The following SCART1 variants were observed in gnomAD, a reference collection of about 807,000 sequenced individuals.
SCART1 encodes the protein scavenger receptor family member expressed on T cells 1, also known as scavenger receptor cysteine-rich domain-containing protein SCART1.
SCART1 carries 62 observed loss-of-function variants against 36.2 expected under a neutral mutation model. The ratio of observed to expected loss-of-function variants is 1.71; its 90% CI spans 1.40 to 2.12. The LOEUF (loss-of-function observed/expected upper bound fraction) is 2.12. SCART1 is among the 30% of genes most tolerant of loss of function. The pLI, the probability that SCART1 is intolerant of heterozygous loss-of-function variation, is 0.00. For missense variants in SCART1, 1,041 were observed against 540.5 expected (o/e 1.93, Z -9.18); for synonymous variants, 487 against 238.7 (o/e 2.04, Z -9.59).
intron 1 of SCART1, among the ~76,000 whole-genome samples, chr10:133,454,357 G>A (rs1850583232): frequency 1.3e-5 from 2 of 151,564 alleles, no homozygotes; most frequent in South Asian, 4.1e-4. Flanking sequence ...CAATGACCCT[G>A]ATCAACAGAG....
intron 1 of SCART1, among the ~76,000 whole-genome samples, chr10:133,455,215 T>C (rs1444578545): frequency 6.6e-6 from 1 of 152,110 alleles, no homozygotes; most frequent in Non-Finnish European, 1.5e-5. Context: ...TGCAGTGAGC[T>C]GAGATCGTGC....
chr10:133,468,188 G>A, exon 12 of SCART1: 1 of 399,094 alleles, frequency 2.5e-6, no homozygotes, highest in Non-Finnish European at 4.5e-6. Context: ...GTAACCTTCA[G>A]ATTTCCCACA....
At position 133,465,094 on chromosome 10, in the gene SCART1, T is replaced by C. The variant is rs746019632; in HGVS notation, c.2276-12T>C. On this transcript the variant is annotated splice_polypyrimidine_tract_variant and intron_variant, in intron 7 of 11. Coordinates refer to ENST00000640237, the Ensembl canonical transcript of SCART1. ...GGCACCGAAGCTCTCAGAGCTGCTG[T>C]TTAACCCGCAGGATTGTCAGAGGAC... is the stretch of plus-strand genomic sequence containing the variant. 1.4e-6 allele frequency: 1 copy of C among 703,022 alleles called. No individual in the cohort carries two copies. Among genetic ancestry groups the C allele is most frequent in the South Asian group, 1.5e-5 (1 of 67,602 alleles). The allele number at this position is 703,022 out of a possible 1,614,324, so 43.5% of individuals were successfully genotyped here. A position where few individuals can be genotyped will look rare whatever the true frequency, so the allele number is the denominator to read the frequency against.
intron 2 of SCART1, 57 bp downstream of exon 2, chr10:133,456,611 A>AGGAGGAGGACTGGGAGGACGC (rs1316954378): frequency 1.7e-4 from 104 of 615,638 alleles, no homozygotes; most frequent in African/African-American, 1.3e-3. Flanking sequence ...TGGGAGGACG[A>AGGAGGAGGACTGGGAGGACGC]GGAGGAGGAC....
chr10:133,460,139 G>A (rs1408009558), exon 6 of SCART1: 4 of 512,732 alleles, frequency 7.8e-6, no homozygotes, highest in Non-Finnish European at 1.4e-5. Context: ...ACGACTGGAG[G>A]CACAAGGAGG....
intron 1 of SCART1, 67 bp from the exon 2 acceptor site, chr10:133,456,170 C>T (rs919784723): frequency 4.9e-5 from 32 of 655,914 alleles, no homozygotes; most frequent in African/African-American, 1.4e-4. Flanking sequence ...CCTGCTGCCG[C>T]GGCTGCCATC....
rs1850688100 is a variant in SCART1, at chr10:133,460,500, T to TTTTTTA, written c.1969+330_1969+331insTTTTTA. ...TATATATATATATATTTATATATTT[T>TTTTTTA]AAAAAATATTTTATATTTATTTAAA... On this transcript the variant is annotated intron_variant, in intron 6 of 11. Transcript: ENST00000640237. 3.0e-5 allele frequency among the ~76,000 whole-genome samples: 4 copies of TTTTTTA among 134,688 alleles called. No homozygotes were observed. The East Asian group carries it at 6.2e-4, about 21-fold the overall frequency. 88.4% of individuals were successfully genotyped at this position (134,688 alleles called of 152,430 possible).
intron 3 of SCART1, 76 bp downstream of exon 3, chr10:133,457,651 G>C: frequency 1.7e-6 from 1 of 599,436 alleles, no homozygotes; most frequent in Non-Finnish European, 2.9e-6. Context: ...CAGGGAGAAG[G>C]GGGGTGGGCG....
intron 2 of SCART1, among the ~76,000 whole-genome samples, chr10:133,456,784 A>ATT (rs568540395): frequency 1.3e-5 from 2 of 152,132 alleles, no homozygotes; most frequent in African/African-American, 4.8e-5. Flanking sequence ...AGAGTCAGAG[A>ATT]TTGGAGGAAG....
At chr10:133,469,141 C>A (rs1377695779) in exon 12 of SCART1, 12 of 152,170 alleles carry the variant, frequency 7.9e-5, no homozygotes, top group Non-Finnish European at 1.8e-4. Context: ...TGATGATGAA[C>A]TTTTTTTCAT....
rs866348462 is a variant in SCART1, at chr10:133,465,533, C to G, written c.2627C>G (p.Ala876Gly). The stretch of plus-strand genomic sequence containing the variant: ...GAGCGGTGGGGACGCGGAGACCGCG[C>G]GCACGAGGAGGACGCGGGCGTGCGC... Residue 876 changes from alanine to glycine, a missense_variant, in exon 9 of 12, where the codon GCG (alanine) becomes GGG (glycine). Ala to Gly is a moderately conservative substitution (Grantham distance 60, BLOSUM62 0). Coordinates refer to ENST00000640237, the Ensembl canonical transcript of SCART1. 5.7e-6 allele frequency: 3 copies of G among 526,254 alleles called. No individual in the cohort carries two copies. The South Asian group carries it at 8.3e-5, about 15-fold the overall frequency. The allele number at this position is 526,254 out of a possible 1,614,324, so 32.6% of individuals were successfully genotyped here.
At chr10:133,459,812 C>G (rs756349624) in exon 6 of SCART1, 7 of 622,160 alleles carry the variant, frequency 1.1e-5, no homozygotes, top group South Asian at 1.1e-4. Flanking sequence ...CCGGTGAGGT[C>G]GGAACCGCGT....
chr10:133,462,670 A>C (rs1850715953), intron 6 of SCART1, among the ~76,000 whole-genome samples: 3 of 152,136 alleles, frequency 2.0e-5, no homozygotes, highest in Non-Finnish European at 4.4e-5. Flanking sequence ...GGGCTCCCTT[A>C]GTGCCTTCAG....
chr10:133,457,060 G>C (rs1364447642), intron 2 of SCART1: 3 of 576,962 alleles, frequency 5.2e-6, no homozygotes, highest in Non-Finnish European at 9.1e-6. Context: ...AGTGTGAACG[G>C]ATCCTGCGGG....
chr10:133,465,953 C>T, intron 9 of SCART1: 2 of 671,886 alleles, frequency 3.0e-6, no homozygotes, highest in Non-Finnish European at 5.5e-6. Flanking sequence ...CTCCCATTCT[C>T]TGTGCTCTGG....
At chr10:133,458,035 G>A (rs1228063919) in intron 3 of SCART1, 1 of 575,904 alleles carries the variant, frequency 1.7e-6, no homozygotes, top group Non-Finnish European at 3.1e-6. Flanking sequence ...GGTGCTCAGT[G>A]GACCAAGGGG....
intron 6 of SCART1, among the ~76,000 whole-genome samples, chr10:133,461,962 G>A (rs1850707583): frequency 6.6e-6 from 1 of 152,308 alleles, no homozygotes; most frequent in South Asian, 2.1e-4. Context: ...ACAGGCACCC[G>A]GCTGTCAGAC....
downstream of SCART1, among the ~76,000 whole-genome samples, chr10:133,469,596 G>C (rs1011071586): frequency 2.0e-5 from 3 of 152,020 alleles, no homozygotes; most frequent in Admixed American, 6.5e-5. Flanking sequence ...CCTGTCAGGG[G>C]GTGGGGGGCT....
chr10:133,455,856 C>T (rs1850602829), intron 1 of SCART1, among the ~76,000 whole-genome samples: 1 of 151,926 alleles, frequency 6.6e-6, no homozygotes, highest in African/African-American at 2.4e-5. Flanking sequence ...GTGGGTGGGG[C>T]AGGTGTGACA....
Sources: gnomAD v4.1 joint callset for allele counts (sites outside exome capture counted in the v4.1 genomes callset) on GRCh38, gnomAD v4.1.1 for gene constraint, MANE v1.5 for transcripts, NCBI Gene and HGNC (gene_info 2026-07-23, HGNC 2026-07-21) for gene names.